The following MEGF10 variants were observed in gnomAD, a reference collection of about 807,000 sequenced individuals.
MEGF10 encodes multiple EGF like domains 10.
A neutral mutation model predicts 147.5 loss-of-function variants in MEGF10; 86 were observed. The observed-to-expected ratio is 0.58, with a 90% CI of 0.49 to 0.70. The LOEUF (loss-of-function observed/expected upper bound fraction) is 0.70, where lower values mean the gene tolerates loss of function less well. Among genes scored for constraint, MEGF10 ranks in the 30% least tolerant of loss-of-function variants. The pLI is 0.00. For missense variants in MEGF10, 1,329 were observed against 1,487.3 expected (o/e 0.89, Z 1.75); for synonymous variants, 478 against 525.5 (o/e 0.91, Z 1.24).
chr5:127,403,928 T>C (rs2126937546), intron 8 of MEGF10, among the ~76,000 whole-genome samples: 1 of 152,328 alleles, frequency 6.6e-6, no homozygotes, highest in Non-Finnish European at 1.5e-5. Flanking sequence ...CACTTCCATA[T>C]ACTGATTTAC....
intron 22 of MEGF10, 66 bp from the exon 23 acceptor site, chr5:127,454,500 G>A (rs1381305629): frequency 1.4e-6 from 2 of 1,437,608 alleles, no homozygotes; most frequent in East Asian, 2.3e-5. Flanking sequence ...AGGACCTTGG[G>A]ATATTGGATG....
At chr5:127,403,155 C>T (rs372954566) in intron 8 of MEGF10, among the ~76,000 whole-genome samples, 64 of 152,154 alleles carry the variant, frequency 4.2e-4, no homozygotes, top group African/African-American at 1.5e-3. Flanking sequence ...TTATAGGGCC[C>T]TCTGGTCCCA....
At chr5:127,229,333 C>T in the MEGF10 span, 10 of 152,342 alleles carry the variant, frequency 6.6e-5, no homozygotes, top group South Asian at 1.7e-3. Context: ...GGCTGGTGCA[C>T]TGGGCTCCGT....
the MEGF10 span, among the ~76,000 whole-genome samples, chr5:127,267,056 G>A: frequency 6.6e-6 from 1 of 152,156 alleles, no homozygotes; most frequent in Non-Finnish European, 1.5e-5. Context: ...TTGGCTGTGG[G>A]TTTGTCATAA....
the MEGF10 span, among the ~76,000 whole-genome samples, chr5:127,265,764 G>A: frequency 6.6e-6 from 1 of 152,084 alleles, no homozygotes. Flanking sequence ...TGTTGATGGG[G>A]TTGTTTGTTT....
intron 8 of MEGF10, 122 bp downstream of exon 8, chr5:127,402,804 C>A: frequency 1.0e-6 from 1 of 963,114 alleles, no homozygotes; most frequent in Non-Finnish European, 1.5e-6. Context: ...TCAGAAGTAG[C>A]TATACAGCCT....
the MEGF10 span, among the ~76,000 whole-genome samples, chr5:127,266,521 A>T: frequency 6.6e-6 from 1 of 152,118 alleles, no homozygotes; most frequent in Non-Finnish European, 1.5e-5. Flanking sequence ...CAGTATGGCC[A>T]TTTTCACAAT....
At chr5:127,248,565 T>C in the MEGF10 span, among the ~76,000 whole-genome samples, 2 of 152,048 alleles carry the variant, frequency 1.3e-5, no homozygotes, top group African/African-American at 2.4e-5. Flanking sequence ...CTAAAAATAC[T>C]AGAAGTAATA....
At chr5:127,263,254 T>C in the MEGF10 span, among the ~76,000 whole-genome samples, 1 of 145,138 alleles carries the variant, frequency 6.9e-6, no homozygotes, top group South Asian at 2.2e-4. Flanking sequence ...TTCATGAATG[T>C]GATGCAGTGT....
At chr5:127,419,612 C>T (rs1390064984) in intron 11 of MEGF10, among the ~76,000 whole-genome samples, 1 of 152,138 alleles carries the variant, frequency 6.6e-6, no homozygotes, top group Non-Finnish European at 1.5e-5. Context: ...CAGCCAGGAT[C>T]CTGGATATAC....
At chr5:127,325,371 T>C (rs1029548762) in intron 1 of MEGF10, among the ~76,000 whole-genome samples, 2 of 152,182 alleles carry the variant, frequency 1.3e-5, no homozygotes, top group African/African-American at 4.8e-5. Flanking sequence ...AGATCTTTAA[T>C]GAGTATTGTT....
intron 5 of MEGF10, among the ~76,000 whole-genome samples, chr5:127,370,862 G>A (rs1025538946): frequency 2.6e-5 from 4 of 152,238 alleles, no homozygotes; most frequent in Non-Finnish European, 4.4e-5. Context: ...ATTGTAATGC[G>A]TGAAACATTA....
In MEGF10 at chr5:127,398,770, G is replaced by T; in HGVS notation, c.754G>T (p.Glu252Ter). ...NGGVCHHVTG[E>*]CSCPSGWMGT... ...AGGAGTGTGTCATCACGTCACTGGAGAATGCTCTTGCCCTTCTGGCTGGAT... is the reference window on the plus strand; with the variant it reads ...AGGAGTGTGTCATCACGTCACTGGATAATGCTCTTGCCCTTCTGGCTGGAT... Residue 252 changes from glutamate to a stop codon, truncating the protein, a stop_gained, in exon 7 of 25, where the codon GAA (glutamate) becomes TAA (stop). Coordinates refer to ENST00000503335, the MANE Select transcript of MEGF10 (RefSeq NM_001256545.2). LOFTEE classifies it high-confidence loss of function. 1 of 1,613,850 alleles carries T rather than the reference G, an allele frequency of 6.2e-7. No individual in the cohort carries two copies. The highest frequency in any genetic ancestry group is 8.5e-7 in the Non-Finnish European group (1 of 1,179,868).
intron 4 of MEGF10, among the ~76,000 whole-genome samples, chr5:127,353,170 G>A (rs540947348): frequency 3.2e-4 from 49 of 152,304 alleles, no homozygotes; most frequent in Admixed American, 8.5e-4. Flanking sequence ...AGTCCAAACT[G>A]ATATGTGAAT....
the MEGF10 span, among the ~76,000 whole-genome samples, chr5:127,258,819 G>A: frequency 1.3e-5 from 2 of 152,144 alleles, no homozygotes; most frequent in Non-Finnish European, 1.5e-5. Flanking sequence ...GCAGTTTACA[G>A]GTCCTTGATC....
At chr5:127,234,200 G>A in the MEGF10 span, among the ~76,000 whole-genome samples, 2 of 152,144 alleles carry the variant, frequency 1.3e-5, no homozygotes, top group African/African-American at 2.4e-5. Context: ...CCAACACGAT[G>A]TATCTAGGAA....
the MEGF10 span, among the ~76,000 whole-genome samples, chr5:127,247,321 A>AGAG: frequency 0.011 from 45 of 4,030 alleles, 2 homozygotes; most frequent in African/African-American, 0.024. Context: ...AAAGAGAGAG[A>AGAG]AGAAGAAGAA....
At chr5:127,292,327 C>T (rs1759295990) in intron 1 of MEGF10, among the ~76,000 whole-genome samples, 1 of 152,174 alleles carries the variant, frequency 6.6e-6, no homozygotes, top group South Asian at 2.1e-4. Flanking sequence ...AATAATAGCA[C>T]TTACATCAGA....
At chr5:127,236,365 C>T in the MEGF10 span, among the ~76,000 whole-genome samples, 1 of 152,196 alleles carries the variant, frequency 6.6e-6, no homozygotes, top group African/African-American at 2.4e-5. Flanking sequence ...GATGTTGAAG[C>T]ATGAAGGCAG....
Sources: allele counts gnomAD v4.1 joint callset (sites outside exome capture counted in the v4.1 genomes callset), GRCh38; gene constraint gnomAD v4.1.1; transcripts MANE v1.5; gene names NCBI Gene and HGNC (gene_info 2026-07-23, HGNC 2026-07-21).